The following HEMK2 variants were observed in gnomAD, a reference collection of about 807,000 sequenced individuals.
The protein encoded by HEMK2 is HemK methyltransferase 2, ETF1 glutamine and histone H4 lysine.
the HEMK2 span, among the ~76,000 whole-genome samples, chr21:28,840,160 C>A: frequency 2.2e-3 from 329 of 152,222 alleles, 2 homozygotes; most frequent in African/African-American, 7.8e-3. Context: ...ATTGCCTAGC[C>A]ACATGTAGGA....
the HEMK2 span, among the ~76,000 whole-genome samples, chr21:28,768,166 G>A: frequency 1.3e-5 from 2 of 152,106 alleles, no homozygotes; most frequent in Admixed American, 1.3e-4. Flanking sequence ...CAAACAGGAT[G>A]CACTTCTCTT....
chr21:28,609,566 G>GAA, the HEMK2 span, among the ~76,000 whole-genome samples: 23 of 41,734 alleles, frequency 5.5e-4, 2 homozygotes, highest in Non-Finnish European at 1.2e-3. Context: ...TGAATTGCCA[G>GAA]GAAAAAAAAA....
At chr21:28,780,335 G>A in the HEMK2 span, among the ~76,000 whole-genome samples, 3 of 151,796 alleles carry the variant, frequency 2.0e-5, no homozygotes, top group African/African-American at 7.3e-5. Flanking sequence ...GAGCCACCAT[G>A]CCCAGCTAAT....
chr21:28,636,591 A>G, the HEMK2 span, among the ~76,000 whole-genome samples: 1 of 152,088 alleles, frequency 6.6e-6, no homozygotes, highest in Non-Finnish European at 1.5e-5. Context: ...CCACTGCACC[A>G]CTGTAATTTG....
the HEMK2 span, among the ~76,000 whole-genome samples, chr21:28,769,563 G>C: frequency 5.7e-4 from 87 of 152,214 alleles, no homozygotes; most frequent in African/African-American, 2.1e-3. Flanking sequence ...GGATTCTCTT[G>C]AGGGTGATAT....
chr21:28,693,133 AG>A, the HEMK2 span, among the ~76,000 whole-genome samples: 1 of 152,184 alleles, frequency 6.6e-6, no homozygotes, highest in Non-Finnish European at 1.5e-5. Flanking sequence ...ACACTTTAAA[AG>A]GGGGGACTTT....
At chr21:28,742,849 C>T in the HEMK2 span, among the ~76,000 whole-genome samples, 5 of 152,106 alleles carry the variant, frequency 3.3e-5, no homozygotes, top group South Asian at 8.3e-4. Flanking sequence ...AAACGTTTTT[C>T]TAGCACAACA....
chr21:28,663,317 G>A, the HEMK2 span, among the ~76,000 whole-genome samples: 30 of 152,288 alleles, frequency 2.0e-4, no homozygotes, highest in Middle Eastern at 0.01. Context: ...ACTGCAGTGC[G>A]GTAATGTGAG....
the HEMK2 span, among the ~76,000 whole-genome samples, chr21:28,754,164 T>C: frequency 2.0e-5 from 3 of 152,224 alleles, no homozygotes; most frequent in Non-Finnish European, 4.4e-5. Flanking sequence ...CCTCGCACAG[T>C]TGAGTATATA....
the HEMK2 span, among the ~76,000 whole-genome samples, chr21:28,755,550 A>G: frequency 6.6e-6 from 1 of 152,188 alleles, no homozygotes; most frequent in Non-Finnish European, 1.5e-5. Context: ...CTGTGGGAAG[A>G]GCTCTGGAAG....
chr21:28,739,758 A>G, the HEMK2 span, among the ~76,000 whole-genome samples: 1 of 152,242 alleles, frequency 6.6e-6, no homozygotes, highest in African/African-American at 2.4e-5. Context: ...CAGCGACAGT[A>G]GCCACATTTT....
chr21:28,608,981 C>A, the HEMK2 span, among the ~76,000 whole-genome samples: 1 of 152,134 alleles, frequency 6.6e-6, no homozygotes, highest in Non-Finnish European at 1.5e-5. Context: ...CCACTCTGGT[C>A]GTCAAAGACA....
the HEMK2 span, among the ~76,000 whole-genome samples, chr21:28,590,113 C>A: frequency 2.6e-4 from 39 of 152,310 alleles, no homozygotes; most frequent in East Asian, 6.6e-3. Context: ...ATCTGTGTTA[C>A]TCTCTGTTTT....
At chr21:28,772,544 C>T in the HEMK2 span, among the ~76,000 whole-genome samples, 16 of 152,256 alleles carry the variant, frequency 1.1e-4, no homozygotes, top group Admixed American at 7.8e-4. Flanking sequence ...AATTGCTTCA[C>T]ATTAAAGAAA....
chr21:28,726,869 TAAAAA>T, the HEMK2 span, among the ~76,000 whole-genome samples: 1 of 130,272 alleles, frequency 7.7e-6, no homozygotes, highest in Admixed American at 7.8e-5. Flanking sequence ...GGACCCTATC[TAAAAA>T]AAAAAAAAAA....
chr21:28,707,044 T>C, the HEMK2 span, among the ~76,000 whole-genome samples: 1 of 152,170 alleles, frequency 6.6e-6, no homozygotes, highest in Non-Finnish European at 1.5e-5. Context: ...GGCCTCAACA[T>C]CCCTTTACAC....
chr21:28,685,729 C>T, the HEMK2 span, among the ~76,000 whole-genome samples: 1 of 152,024 alleles, frequency 6.6e-6, no homozygotes, highest in African/African-American at 2.4e-5. Flanking sequence ...AACTCAGCTT[C>T]AATTTGGAGG....
At chr21:28,680,173 AAG>A in the HEMK2 span, among the ~76,000 whole-genome samples, 1 of 152,216 alleles carries the variant, frequency 6.6e-6, no homozygotes, top group Non-Finnish European at 1.5e-5. Flanking sequence ...TAAAGAAGAA[AAG>A]AGAGAAGAAT....
the HEMK2 span, among the ~76,000 whole-genome samples, chr21:28,830,104 A>G: frequency 6.6e-6 from 1 of 152,178 alleles, no homozygotes. Context: ...GTATAATTAG[A>G]TAACAATTAT....
Sources: gnomAD v4.1 joint callset for allele counts (sites outside exome capture counted in the v4.1 genomes callset) on GRCh38, gnomAD v4.1.1 for gene constraint, MANE v1.5 for transcripts, NCBI Gene and HGNC (gene_info 2026-07-23, HGNC 2026-07-21) for gene names.